The following PTPRD variants were observed in gnomAD, a reference collection of about 807,000 sequenced individuals.
PTPRD encodes protein tyrosine phosphatase receptor type D.
In PTPRD, 34 loss-of-function variants were observed where a neutral mutation model predicts 214.5. That is an observed-to-expected ratio of 0.16 (90% CI 0.12 to 0.21). The LOEUF (loss-of-function observed/expected upper bound fraction) is 0.21, where lower values mean the gene tolerates loss of function less well. PTPRD is among the 10% of genes least tolerant of loss of function. PTPRD has a pLI of 1.00. For synonymous variants in PTPRD, 1,128 were observed against 845.7 expected (o/e 1.33, Z -5.79); for missense variants, 2,545 against 2,398.7 (o/e 1.06, Z -1.27).
chr9:9,478,147 T>A (rs569988375), intron 8 of PTPRD, among the ~76,000 whole-genome samples: 1 of 152,330 alleles, frequency 6.6e-6, no homozygotes, highest in East Asian at 1.9e-4. Flanking sequence ...GTTACAGTTT[T>A]AGCAATAAGT....
intron 25 of PTPRD, among the ~76,000 whole-genome samples, chr9:8,499,131 G>A (rs2097340939): frequency 6.6e-6 from 1 of 152,036 alleles, no homozygotes; most frequent in South Asian, 2.1e-4. Context: ...GCTGGGACAT[G>A]AAACAATGAG....
chr9:8,456,613 G>C (rs1203407616), intron 33 of PTPRD, among the ~76,000 whole-genome samples: 1 of 152,124 alleles, frequency 6.6e-6, no homozygotes, highest in Non-Finnish European at 1.5e-5. Flanking sequence ...GCTTGGAACT[G>C]TATGGAGGGT....
intron 9 of PTPRD, among the ~76,000 whole-genome samples, chr9:9,224,727 G>A (rs567270719): frequency 2.0e-5 from 3 of 151,670 alleles, no homozygotes; most frequent in Non-Finnish European, 4.4e-5. Flanking sequence ...CTAAGTATGT[G>A]CTAACTGCTT....
chr9:9,226,925 T>G (rs2099959853), intron 9 of PTPRD, among the ~76,000 whole-genome samples: 1 of 152,110 alleles, frequency 6.6e-6, no homozygotes, highest in African/African-American at 2.4e-5. Flanking sequence ...TATATCTAAA[T>G]TTTGTTTCCA....
At chr9:8,598,525 C>A (rs2094599913) in intron 14 of PTPRD, among the ~76,000 whole-genome samples, 1 of 152,018 alleles carries the variant, frequency 6.6e-6, no homozygotes, top group Non-Finnish European at 1.5e-5. Context: ...TATCAAAGTA[C>A]TGAAACAATA....
At chr9:10,509,276 G>T (rs971059367) in intron 2 of PTPRD, among the ~76,000 whole-genome samples, 1 of 151,650 alleles carries the variant, frequency 6.6e-6, no homozygotes, top group Admixed American at 6.6e-5. Context: ...TTTAATTGAG[G>T]TTCCTCTGTG....
chr9:10,037,751 C>T (rs952389448), intron 3 of PTPRD, among the ~76,000 whole-genome samples: 7 of 152,004 alleles, frequency 4.6e-5, no homozygotes, highest in Admixed American at 1.3e-4. Context: ...TGCAAAAAGA[C>T]GTTTTGTTAA....
At chr9:9,040,141 T>C (rs2099634975) in intron 10 of PTPRD, among the ~76,000 whole-genome samples, 1 of 152,136 alleles carries the variant, frequency 6.6e-6, no homozygotes, top group Admixed American at 6.6e-5. Flanking sequence ...TACAAGCCCA[T>C]GCAAGGGGAA....
chr9:10,487,428 A>C (rs1329725604), intron 2 of PTPRD, among the ~76,000 whole-genome samples: 7 of 151,700 alleles, frequency 4.6e-5, no homozygotes, highest in Non-Finnish European at 1.0e-4. Context: ...CTGTGATATG[A>C]TTTAGTTTTG....
chr9:10,296,068 C>A (rs927544528), intron 3 of PTPRD, among the ~76,000 whole-genome samples: 11 of 152,078 alleles, frequency 7.2e-5, no homozygotes, highest in Non-Finnish European at 1.0e-4. Context: ...CACCACTAAA[C>A]ATGAACCACA....
At chr9:9,224,739 A>AAGTATGTGCTAACACTAAGTATGTG (rs1378692478) in intron 9 of PTPRD, among the ~76,000 whole-genome samples, 67 of 152,126 alleles carry the variant, frequency 4.4e-4, no homozygotes, top group Non-Finnish European at 3.2e-4. Context: ...TAACTGCTTT[A>AAGTATGTGCTAACACTAAGTATGTG]CTATCTTTTC....
intron 2 of PTPRD, among the ~76,000 whole-genome samples, chr9:10,385,902 T>G (rs1276441894): frequency 6.6e-6 from 1 of 151,872 alleles, no homozygotes; most frequent in Non-Finnish European, 1.5e-5. Flanking sequence ...GATAATTATA[T>G]TTTTTACACA....
intron 2 of PTPRD, among the ~76,000 whole-genome samples, chr9:10,396,638 T>G (rs2098175971): frequency 1.3e-5 from 2 of 151,960 alleles, no homozygotes; most frequent in African/African-American, 2.4e-5. Context: ...AGTAAAAGAT[T>G]TGATGGAAAT....
At chr9:10,082,811 C>T (rs193259157) in intron 3 of PTPRD, among the ~76,000 whole-genome samples, 13 of 103,324 alleles carry the variant, frequency 1.3e-4, no homozygotes, top group African/African-American at 6.4e-4. Context: ...TCTACTCCTC[C>T]TACACACACA....
At chr9:9,239,198 G>GA (rs34214521) in intron 9 of PTPRD, among the ~76,000 whole-genome samples, 16,447 of 136,748 alleles carry the variant, frequency 0.12, 1,189 homozygotes, top group Non-Finnish European at 0.18. Flanking sequence ...ATGACTGTCT[G>GA]AAAAAAAAAA....
intron 35 of PTPRD, among the ~76,000 whole-genome samples, chr9:8,418,226 T>C (rs1003899111): frequency 5.3e-5 from 8 of 151,084 alleles, no homozygotes; most frequent in Non-Finnish European, 8.9e-5. Context: ...ATCCTTTTCT[T>C]TTTTTTTTGC....
chr9:8,904,661 G>A (rs1250260427), intron 11 of PTPRD, among the ~76,000 whole-genome samples: 1 of 133,402 alleles, frequency 7.5e-6, no homozygotes, highest in Non-Finnish European at 1.6e-5. Flanking sequence ...AGCAGAGGGA[G>A]ACTCTTAAAA....
intron 2 of PTPRD, among the ~76,000 whole-genome samples, chr9:10,450,984 C>T (rs966703150): frequency 6.6e-6 from 1 of 151,970 alleles, no homozygotes; most frequent in African/African-American, 2.4e-5. Flanking sequence ...AGCAATCCTA[C>T]ATGTAACTCA....
intron 4 of PTPRD, among the ~76,000 whole-genome samples, chr9:9,951,944 G>A (rs1451011665): frequency 4.6e-5 from 7 of 152,162 alleles, no homozygotes; most frequent in Admixed American, 4.6e-4. Context: ...AAGAACACCT[G>A]GCCCTGGCCC....
Sources: gnomAD v4.1 joint callset for allele counts (sites outside exome capture counted in the v4.1 genomes callset) on GRCh38, gnomAD v4.1.1 for gene constraint, MANE v1.5 for transcripts, NCBI Gene and HGNC (gene_info 2026-07-23, HGNC 2026-07-21) for gene names.